The following HGFAC variants were observed in gnomAD, a reference collection of about 807,000 sequenced individuals.
HGFAC encodes the protein hepatocyte growth factor activator serine protease.
HGFAC carries 76 observed loss-of-function variants against 70.6 expected under a neutral mutation model. That is an observed-to-expected ratio of 1.08 (90% CI 0.89 to 1.30). The LOEUF (loss-of-function observed/expected upper bound fraction) is 1.30, where lower values mean the gene tolerates loss of function less well. Among genes scored for constraint, HGFAC ranks in the 50% most tolerant of loss-of-function variants. The pLI, the probability that HGFAC is intolerant of heterozygous loss-of-function variation, is 0.00. For synonymous variants in HGFAC, 464 were observed against 405.3 expected (o/e 1.14, Z -1.74); for missense variants, 1,044 against 933.7 (o/e 1.12, Z -1.54).
Position 3,444,111 on chromosome 4 carries a change from C to T in HGFAC, c.548C>T (p.Ser183Phe), listed in dbSNP as rs1477886177. The T allele has an allele frequency of 2.5e-6, 4 of 1,612,130 alleles. No homozygotes were observed. The African/African-American group carries it at 5.3e-5, about 22-fold the overall frequency. The change falls in exon 5 of 14, where the codon TCC becomes TTC. Residue 183 changes from serine (S) to phenylalanine (F), a missense_variant. Physicochemically the swap from Ser to Phe is radical, Grantham distance 155 (BLOSUM62 -2). Coordinates refer to ENST00000382774, the MANE Select transcript of HGFAC (RefSeq NM_001528.4). ...GSCSNTQDPQSYHCSCPRAFT... is the reference protein window; with the variant it reads ...GSCSNTQDPQFYHCSCPRAFT... ...TGCTCCAATACCCAGGACCCCCAGT[C>T]CTATCACTGCAGCTGCCCCCGGGCC... is the stretch of plus-strand genomic sequence containing the variant.
intron 9 of HGFAC, 112 bp from the exon 10 acceptor site, chr4:3,445,929 CA>C (rs1725491926): frequency 1.3e-6 from 2 of 1,554,820 alleles, no homozygotes; most frequent in African/African-American, 2.7e-5. Flanking sequence ...GCAGCGTGGA[CA>C]GGGGGTCCGG....
At position 3,443,149 on chromosome 4, in the gene HGFAC, G is replaced by C. The variant is rs746124340; in HGVS notation, c.395+3G>C. 2.6e-5 allele frequency: 39 copies of C among 1,526,870 alleles called. 2 individuals are homozygous for C. In the South Asian group the frequency reaches 4.9e-4, roughly 19 times the overall value. The allele number at this position is 1,526,870 out of a possible 1,614,324, so 94.6% of individuals were successfully genotyped here. A position where few individuals can be genotyped will look rare whatever the true frequency, so the allele number is the denominator to read the frequency against. ...GAGGGCAGTGCACACAGGAAGTGGT[G>C]GGTCCGGGCAGCCGGGGCACCCGAG... On this transcript the variant is annotated splice_donor_region_variant and intron_variant, in intron 3 of 13. Coordinates refer to ENST00000382774, the MANE Select transcript of HGFAC (RefSeq NM_001528.4).
rs149401735 is a variant in HGFAC at position 3,442,865 on chromosome 4, C to G, written c.251C>G (p.Pro84Arg). 5.2e-3 allele frequency: 8,170 copies of G among 1,572,816 alleles called. 32 individuals are homozygous for G. Among genetic ancestry groups the G allele is most frequent in the Non-Finnish European group, 6.0e-3 (6,972 of 1,163,906 alleles). The part of the protein sequence containing the change: ...EAEGPQSGGL[P>R]PPPRAVPSSS... ...GAGGGACCCCAAAGTGGGGGGCTCCCGCCCCCGCCCAGGGCAGTTCCCTCG... is the reference window on the plus strand; with the variant it reads ...GAGGGACCCCAAAGTGGGGGGCTCCGGCCCCCGCCCAGGGCAGTTCCCTCG... The change falls in exon 2 of 14, where the codon CCG becomes CGG. Residue 84 changes from proline to arginine, a missense_variant. Physicochemically the swap from Pro to Arg is moderately radical, Grantham distance 103. Transcript: ENST00000382774.
upstream of HGFAC, among the ~76,000 whole-genome samples, chr4:3,441,510 C>T (rs1725310918): frequency 6.6e-6 from 1 of 152,150 alleles, no homozygotes; most frequent in Non-Finnish European, 1.5e-5. The surrounding 1 kb of genome is among the most constrained non-coding windows in gnomAD (Gnocchi z 6.0). Context: ...GCCCCCAGTG[C>T]TGCCGTCTGT....
intron 9 of HGFAC, 58 bp downstream of exon 9, chr4:3,445,408 C>T: frequency 1.7e-6 from 2 of 1,198,576 alleles, no homozygotes; most frequent in African/African-American, 1.5e-5. Context: ...GCAGTTTTCC[C>T]CGTGATCCTC....
chr4:3,447,941 G>A lies in HGFAC; in HGVS notation c.1542G>A (p.Ser514=), dbSNP rs754477799. The change falls in exon 12 of 14, where the codon TCG becomes TCA. Residue 514 remains serine, a synonymous_variant. Transcript: ENST00000382774. ...AAGGGGACCGCTGTGCCACACGCTC[G>A]CAGTTCGTGCAGCCCATCTGCCTGC... ...KKKGDRCATR[S]QFVQPICLPE... is the part of the protein sequence containing the mutation. 1.2e-5 allele frequency: 19 copies of A among 1,605,590 alleles called. No individual in the cohort carries two copies. The highest frequency in any genetic ancestry group is 1.4e-5 in the Non-Finnish European group (16 of 1,176,842).
intron 9 of HGFAC, chr4:3,445,713 A>G (rs1489025219): frequency 2.9e-6 from 2 of 694,962 alleles, no homozygotes; most frequent in East Asian, 5.4e-5. Context: ...GCTCCCTAGG[A>G]CCCCGGCGGG....
At chr4:3,443,452 C>G (rs113221089) in intron 4 of HGFAC, 32 bp downstream of exon 4, 3 of 1,364,864 alleles carry the variant, frequency 2.2e-6, no homozygotes, top group East Asian at 5.7e-5. Flanking sequence ...CTGGGGCGGG[C>G]AGGGGGCACT....
chr4:3,442,222 A>C, intron 1 of HGFAC, 104 bp downstream of exon 1: 1 of 844,372 alleles, frequency 1.2e-6, no homozygotes, highest in Non-Finnish European at 1.8e-6. Flanking sequence ...TGGGGATTTG[A>C]GGGGGCGGGG....
chr4:3,443,538 G>T, intron 4 of HGFAC, 118 bp downstream of exon 4: 1 of 594,922 alleles, frequency 1.7e-6, no homozygotes, highest in South Asian at 2.9e-5. Context: ...AGCAGAAGAG[G>T]AGCTCTGGGA....
intron 1 of HGFAC, 69 bp downstream of exon 1, chr4:3,442,187 C>A: frequency 1.6e-6 from 2 of 1,256,608 alleles, no homozygotes; most frequent in Non-Finnish European, 2.2e-6. Context: ...TGGGAGGAGG[C>A]CAGAGGGAGG....
At chr4:3,445,139 A>C in intron 8 of HGFAC, 126 bp from the exon 9 acceptor site, 2 of 1,283,770 alleles carry the variant, frequency 1.6e-6, no homozygotes, top group Admixed American at 4.1e-5. Flanking sequence ...TGCCCGAGGG[A>C]GGGCCACTCT....
intron 4 of HGFAC, among the ~76,000 whole-genome samples, 158 bp downstream of exon 4, chr4:3,443,578 G>T (rs942063110): frequency 3.3e-5 from 5 of 152,160 alleles, no homozygotes; most frequent in Admixed American, 2.0e-4. Context: ...CTTAGGGCCA[G>T]AGCCTCTCCC....
intron 4 of HGFAC, 111 bp from the exon 5 acceptor site, chr4:3,443,928 T>C (rs1560191814): frequency 8.1e-7 from 1 of 1,236,110 alleles, no homozygotes; most frequent in Non-Finnish European, 1.1e-6. Context: ...GCCCCTTTGC[T>C]CTCAGAGCCC....
At chr4:3,442,421 G>C (rs370790441) in intron 1 of HGFAC, among the ~76,000 whole-genome samples, 1 of 152,212 alleles carries the variant, frequency 6.6e-6, no homozygotes, top group Non-Finnish European at 1.5e-5. Context: ...GTCTGGATGC[G>C]TGAGGTTGGG....
rs560293902 is a variant in HGFAC at position 3,447,553 on chromosome 4, G to T, written c.1417G>T (p.Val473Leu). Residue 473 changes from valine to leucine, a missense_variant, in exon 11 of 14, where the codon GTG becomes TTG. By Grantham distance (32) the Val-to-Leu change is conservative. Transcript: ENST00000382774. Reference sequence around the variant, plus strand: ...GCACTTCTTCAACCGCACGACGGACGTGACGCAGACCTTCGGCATCGAGAA... The same window carrying T: ...GCACTTCTTCAACCGCACGACGGACTTGACGCAGACCTTCGGCATCGAGAA... ...GQHFFNRTTD[V>L]TQTFGIEKYI... is the part of the protein sequence containing the mutation. 1.1e-5 allele frequency: 18 copies of T among 1,612,682 alleles called. No homozygotes were observed. The highest frequency in any genetic ancestry group is 1.5e-5 in the Non-Finnish European group (18 of 1,179,908).
Position 3,444,648 on chromosome 4 carries a change from CG to C in HGFAC, c.761del (p.Gly254AlafsTer5). 1.3e-6 allele frequency: 2 copies of C among 1,597,462 alleles called. No homozygotes were observed. Among genetic ancestry groups the C allele is most frequent in the Middle Eastern group, 1.7e-4 (1 of 5,754 alleles). Reference protein sequence around the residue: ...TACLSSPCLNGGTCHLIVATG... With the variant: ...TACLSSPCLNXGTCHLIVATG... ...CTTGTCTGAGCAGCCCTTGCCTGAA[CG>C]GGGGCACCTGCCACCTGATCGTGGC... is the stretch of plus-strand genomic sequence containing the variant. On this transcript the variant is annotated frameshift_variant, in exon 7 of 14. Transcript: ENST00000382774. LOFTEE classifies it high-confidence loss of function.
chr4:3,442,687 G>T, intron 1 of HGFAC, 45 bp from the exon 2 acceptor site: 1 of 1,355,464 alleles, frequency 7.4e-7, no homozygotes, highest in Non-Finnish European at 9.7e-7. Context: ...CAGGACCTGA[G>T]TGTGAGGGTC....
rs759716394 is a variant in HGFAC, at chr4:3,444,144, G to T, written c.581G>T (p.Gly194Val). ...YHCSCPRAFT[G>V]KDCGTEKCFD... Reference sequence around the variant, plus strand: ...TGCAGCTGCCCCCGGGCCTTCACCGGCAAGGACTGCGGCACAGGTGAGCTG... The same window carrying T: ...TGCAGCTGCCCCCGGGCCTTCACCGTCAAGGACTGCGGCACAGGTGAGCTG... Residue 194 changes from glycine (G) to valine (V), a missense_variant, in exon 5 of 14, where the codon GGC (glycine) becomes GTC (valine). Transcript: ENST00000382774. The T allele has an allele frequency of 3.1e-6, 5 of 1,609,678 alleles. No homozygotes were observed. In the South Asian group the frequency reaches 4.4e-5, roughly 14 times the overall value.
Sources: allele counts gnomAD v4.1 joint callset (sites outside exome capture counted in the v4.1 genomes callset), GRCh38; gene constraint gnomAD v4.1.1; non-coding constraint Gnocchi (gnomAD v3.1); transcripts MANE v1.5; gene names NCBI Gene and HGNC (gene_info 2026-07-23, HGNC 2026-07-21).